TNFRSF10B: variants seen among roughly 807,000 people sequenced by gnomAD.
TNFRSF10B encodes TNF receptor superfamily member 10b.
In TNFRSF10B, 35 loss-of-function variants were observed where a neutral mutation model predicts 41.4. The observed-to-expected ratio is 0.85, with a 90% CI of 0.65 to 1.12. The LOEUF is 1.12. TNFRSF10B is among the 50% of genes most tolerant of loss of function. TNFRSF10B has a pLI of 0.00. For missense variants in TNFRSF10B, 584 were observed against 552.7 expected, an observed-to-expected ratio of 1.06 and a Z score of -0.57; for synonymous variants, 230 against 215.5, an observed-to-expected ratio of 1.07 and a Z score of -0.59.
At chr8:23,049,602 T>A (rs889946400) in intron 1 of TNFRSF10B, among the ~76,000 whole-genome samples, 2 of 152,246 alleles carry the variant, frequency 1.3e-5, no homozygotes, top group African/African-American at 4.8e-5. Context: ...TTTAGATGAA[T>A]GCACACTTAC....
rs1307121139 is a variant in TNFRSF10B at position 23,031,396 on chromosome 8, T to C, written c.251-524A>G. On this transcript the variant is annotated intron_variant, in intron 2 of 8. Coordinates refer to ENST00000276431, the MANE Select transcript of TNFRSF10B (RefSeq NM_003842.5). The stretch of plus-strand genomic sequence containing the variant: ...CGGCCTATTTATTTATTTATTTATT[T>C]ATTTATTTATTTATTTAGACAGGGT... Among the ~76,000 whole-genome samples the C allele has an allele frequency of 7.3e-5, 11 of 150,992 alleles. No homozygotes were observed. The Admixed American group carries it at 7.3e-4, about 10-fold the overall frequency.
chr8:23,041,877 A>C (rs1476230957), intron 2 of TNFRSF10B, among the ~76,000 whole-genome samples: 1 of 152,106 alleles, frequency 6.6e-6, no homozygotes, highest in African/African-American at 2.4e-5. Flanking sequence ...TATCGTCTCC[A>C]ACTTCAAATC....
In TNFRSF10B at chr8:23,024,255, C is replaced by G; in HGVS notation, c.942G>C (p.Pro314=). ...SPGESEHLLE[P]AEAERSQRRR... is the part of the protein sequence containing the mutation. ...TCCTCTGAGACCTTTCAGCTTCTGC[C>G]GGTTCCTGTAACACATAGTGGGGAA... is the stretch of plus-strand genomic sequence containing the variant. Residue 314 remains proline (P), a synonymous_variant, in exon 8 of 9, where the codon CCG becomes CCC. Coordinates refer to ENST00000276431, the MANE Select transcript of TNFRSF10B (RefSeq NM_003842.5). The G allele has an allele frequency of 6.2e-7, 1 of 1,614,022 alleles. No individual in the cohort carries two copies. Among genetic ancestry groups the G allele is most frequent in the Non-Finnish European group, 8.5e-7 (1 of 1,179,964 alleles).
intron 2 of TNFRSF10B, 52 bp from the exon 3 acceptor site, chr8:23,030,924 G>A (rs1811864781): frequency 7.4e-7 from 1 of 1,351,098 alleles, no homozygotes; most frequent in Non-Finnish European, 1.0e-6. Flanking sequence ...ATTCCCAGAA[G>A]CTGGCAGTGG....
intron 2 of TNFRSF10B, among the ~76,000 whole-genome samples, chr8:23,034,243 G>C (rs191410494): frequency 2.0e-5 from 3 of 152,256 alleles, no homozygotes; most frequent in East Asian, 1.9e-4. Flanking sequence ...ATCTCAGAAA[G>C]GGGCCAGTGG....
intron 1 of TNFRSF10B, among the ~76,000 whole-genome samples, chr8:23,065,697 A>G (rs57337715): frequency 6.6e-6 from 1 of 152,342 alleles, no homozygotes; most frequent in East Asian, 1.9e-4. Context: ...GTATCAGAGG[A>G]GCAAACTGAT....
intron 1 of TNFRSF10B, among the ~76,000 whole-genome samples, chr8:23,059,514 T>TTTCA (rs1554511276): frequency 6.6e-6 from 1 of 151,944 alleles, no homozygotes; most frequent in Non-Finnish European, 1.5e-5. Context: ...TGTGTGTTGT[T>TTTCA]TTTGTTTTTT....
intron 1 of TNFRSF10B, among the ~76,000 whole-genome samples, chr8:23,051,687 G>A: frequency 6.6e-6 from 1 of 152,068 alleles, no homozygotes. Flanking sequence ...TGGGACTACA[G>A]TCGCCCGCCA....
intron 7 of TNFRSF10B, 33 bp from the exon 8 acceptor site, chr8:23,024,293 A>G (rs1811635461): frequency 6.2e-7 from 1 of 1,612,452 alleles, no homozygotes; most frequent in Admixed American, 1.7e-5. Context: ...TCCTGGTCAG[A>G]GCCAGGAGTC....
At chr8:23,063,814 G>C (rs1812904666) in intron 1 of TNFRSF10B, among the ~76,000 whole-genome samples, 1 of 152,160 alleles carries the variant, frequency 6.6e-6, no homozygotes, top group African/African-American at 2.4e-5. Context: ...TGTCCCCGGG[G>C]AAAACTTGAC....
At chr8:23,054,001 C>T (rs113218275) in intron 1 of TNFRSF10B, among the ~76,000 whole-genome samples, 92 of 152,264 alleles carry the variant, frequency 6.0e-4, no homozygotes, top group African/African-American at 2.1e-3. Flanking sequence ...AACAGATACC[C>T]TTGTCATCAA....
At chr8:23,048,346 G>C (rs747712185) in intron 1 of TNFRSF10B, among the ~76,000 whole-genome samples, 18 of 149,762 alleles carry the variant, frequency 1.2e-4, no homozygotes, top group Non-Finnish European at 2.1e-4. Context: ...TAAGGCAGGA[G>C]AATCACTTGA....
At chr8:23,032,561 A>T (rs1210419374) in intron 2 of TNFRSF10B, among the ~76,000 whole-genome samples, 1 of 152,236 alleles carries the variant, frequency 6.6e-6, no homozygotes, top group Non-Finnish European at 1.5e-5. Context: ...TTTTTAAAAT[A>T]ACACCACTGA....
chr8:23,056,919 T>C (rs937071930), intron 1 of TNFRSF10B, among the ~76,000 whole-genome samples: 1 of 152,062 alleles, frequency 6.6e-6, no homozygotes, highest in African/African-American at 2.4e-5. Context: ...TAGCCCAGAA[T>C]ATGGGCTATA....
intron 2 of TNFRSF10B, among the ~76,000 whole-genome samples, chr8:23,032,188 C>T (rs754543670): frequency 6.6e-6 from 1 of 152,094 alleles, no homozygotes; most frequent in African/African-American, 2.4e-5. Flanking sequence ...ATCACATGGG[C>T]CTAGGGACTA....
Position 23,029,606 on chromosome 8 carries a change from T to G in TNFRSF10B, c.476+4A>C. On this transcript the variant is annotated splice_donor_region_variant and intron_variant, in intron 4 of 8. Transcript: ENST00000276431. ...CTACTGGGAGCCCCCGGCTCCTGTCTCACCCTGTGCGGCACTTCCGGCACA... is the reference window on the plus strand; with the variant it reads ...CTACTGGGAGCCCCCGGCTCCTGTCGCACCCTGTGCGGCACTTCCGGCACA... 6.2e-7 allele frequency: 1 copy of G among 1,607,766 alleles called. No individual in the cohort carries two copies. The highest frequency in any genetic ancestry group is 1.1e-5 in the South Asian group (1 of 90,144).
At chr8:23,047,203 C>G (rs1306613774) in intron 1 of TNFRSF10B, among the ~76,000 whole-genome samples, 1 of 150,348 alleles carries the variant, frequency 6.7e-6, no homozygotes, top group Non-Finnish European at 1.5e-5. Context: ...ACTAAAAATA[C>G]AAAATTAGCT....
chr8:23,027,318 C>G, intron 6 of TNFRSF10B, 30 bp from the exon 7 acceptor site: 1 of 1,613,558 alleles, frequency 6.2e-7, no homozygotes, highest in Non-Finnish European at 8.5e-7. Flanking sequence ...AGGCAAAAAG[C>G]CGACTCAGGA....
chr8:23,031,001 G>T, intron 2 of TNFRSF10B, 129 bp from the exon 3 acceptor site: 1 of 702,902 alleles, frequency 1.4e-6, no homozygotes, highest in Non-Finnish European at 2.6e-6. Context: ...TACCTAGCTT[G>T]GTCAGTTCAT....
Sources: allele counts gnomAD v4.1 joint callset (sites outside exome capture counted in the v4.1 genomes callset), GRCh38; gene constraint gnomAD v4.1.1; transcripts MANE v1.5; gene names NCBI Gene and HGNC (gene_info 2026-07-23, HGNC 2026-07-21).